PARD3B: variants seen among roughly 807,000 people sequenced by gnomAD.
PARD3B encodes the protein par-3 family cell polarity regulator beta, also known as partitioning defective 3 homolog B.
Under a neutral mutation model 130.2 loss-of-function variants are expected in PARD3B, and 103 were observed. The ratio of observed to expected loss-of-function variants is 0.79; its 90% confidence interval spans 0.67 to 0.93. The LOEUF (loss-of-function observed/expected upper bound fraction) is 0.93, where lower values mean the gene tolerates loss of function less well. Ranked by LOEUF, PARD3B falls within the 40% of genes least tolerant of loss-of-function variation. The pLI is 0.00. For synonymous variants in PARD3B, 583 were observed against 553.2 expected, an observed-to-expected ratio of 1.05 and a Z score of -0.76; for missense variants, 1,609 against 1,499.2, an observed-to-expected ratio of 1.07 and a Z score of -1.21.
chr2:205,531,145 T>G (rs1055990855), intron 21 of PARD3B, among the ~76,000 whole-genome samples: 1 of 152,282 alleles, frequency 6.6e-6, no homozygotes, highest in Non-Finnish European at 1.5e-5. Flanking sequence ...GGGACTCAGG[T>G]TTTTTTCACC....
chr2:204,697,386 A>G (rs924224191), intron 2 of PARD3B, among the ~76,000 whole-genome samples: 1 of 152,134 alleles, frequency 6.6e-6, no homozygotes, highest in Non-Finnish European at 1.5e-5. Flanking sequence ...TAGAAAAGGT[A>G]TAAATTCATT....
chr2:204,684,912 G>T (rs1389116283), intron 1 of PARD3B, among the ~76,000 whole-genome samples: 1 of 152,120 alleles, frequency 6.6e-6, no homozygotes, highest in African/African-American at 2.4e-5. Context: ...TAACTAAGGA[G>T]AATTCCTTTA....
intron 15 of PARD3B, among the ~76,000 whole-genome samples, chr2:205,225,229 G>C (rs945796814): frequency 6.6e-6 from 1 of 152,166 alleles, no homozygotes; most frequent in Admixed American, 6.5e-5. Context: ...CACCAACAGT[G>C]TTTGAGGGTT....
At chr2:205,035,772 T>C (rs1697776767) in intron 3 of PARD3B, among the ~76,000 whole-genome samples, 1 of 141,570 alleles carries the variant, frequency 7.1e-6, no homozygotes, top group South Asian at 2.2e-4. Flanking sequence ...CCACTATATC[T>C]ATCTATCGGA....
At chr2:205,302,655 G>A (rs1216766765) in intron 18 of PARD3B, among the ~76,000 whole-genome samples, 2 of 152,140 alleles carry the variant, frequency 1.3e-5, no homozygotes, top group African/African-American at 2.4e-5. Flanking sequence ...GGGAGTCAGG[G>A]TAGATGAACC....
In PARD3B at chr2:204,881,131, G is replaced by A. The variant is rs573965136; in HGVS notation, c.223-84021G>A. Among the ~76,000 whole-genome samples the A allele has an allele frequency of 1.3e-3, 195 of 152,240 alleles. 2 individuals are homozygous for A. Among genetic ancestry groups the A allele is most frequent in the African/African-American group, 4.4e-3 (184 of 41,542 alleles). ...GCAAGCATTTCCTTGAGGTCTGTGCGTTAGAAAACCATGAGCGTATTAGAT... is the reference window on the plus strand; with the variant it reads ...GCAAGCATTTCCTTGAGGTCTGTGCATTAGAAAACCATGAGCGTATTAGAT... On this transcript the variant is annotated intron_variant, in intron 2 of 22. Transcript: ENST00000406610.
chr2:205,139,726 G>A (rs1192665612), intron 10 of PARD3B, among the ~76,000 whole-genome samples: 1 of 151,516 alleles, frequency 6.6e-6, no homozygotes, highest in East Asian at 1.9e-4. Context: ...AACTGAGTAT[G>A]ATTGTAAAAA....
At chr2:205,224,912 C>T (rs1248471344) in intron 15 of PARD3B, among the ~76,000 whole-genome samples, 3 of 151,976 alleles carry the variant, frequency 2.0e-5, no homozygotes, top group Non-Finnish European at 2.9e-5. Flanking sequence ...TCTTCCATAA[C>T]CATATTTTTT....
At chr2:205,600,202 G>C (rs1453861649) in intron 22 of PARD3B, among the ~76,000 whole-genome samples, 1 of 152,216 alleles carries the variant, frequency 6.6e-6, no homozygotes, top group Non-Finnish European at 1.5e-5. Flanking sequence ...ATAGCTAAGA[G>C]AATATTTGCT....
intron 4 of PARD3B, among the ~76,000 whole-genome samples, chr2:205,063,336 AT>A (rs1700170638): frequency 6.6e-6 from 1 of 151,984 alleles, no homozygotes; most frequent in Non-Finnish European, 1.5e-5. Flanking sequence ...ATATAAAAAA[AT>A]AAAATTTTAT....
At chr2:205,516,360 T>C (rs527835984) in intron 21 of PARD3B, among the ~76,000 whole-genome samples, 1 of 152,336 alleles carries the variant, frequency 6.6e-6, no homozygotes, top group East Asian at 1.9e-4. Flanking sequence ...AGTATGGCCA[T>C]TTTAATGATA....
intron 4 of PARD3B, among the ~76,000 whole-genome samples, chr2:205,087,544 T>C (rs1210212520): frequency 6.6e-6 from 1 of 152,186 alleles, no homozygotes; most frequent in African/African-American, 2.4e-5. Flanking sequence ...ATTTGGAATA[T>C]TTTAGTAGGT....
At chr2:205,087,183 A>G (rs2125528570) in intron 4 of PARD3B, among the ~76,000 whole-genome samples, 1 of 152,334 alleles carries the variant, frequency 6.6e-6, no homozygotes, top group Non-Finnish European at 1.5e-5. Context: ...CAAACTGAAT[A>G]TGGAAAATAT....
At chr2:204,933,987 C>T (rs1010084355) in intron 2 of PARD3B, among the ~76,000 whole-genome samples, 1 of 152,140 alleles carries the variant, frequency 6.6e-6, no homozygotes, top group African/African-American at 2.4e-5. Context: ...TCAAAGCACT[C>T]TTGTTAATTG....
intron 2 of PARD3B, among the ~76,000 whole-genome samples, chr2:204,844,227 TA>T (rs2044370747): frequency 6.6e-6 from 1 of 152,146 alleles, no homozygotes. Context: ...ATTATTTCTG[TA>T]CAAAAGTTAC....
In PARD3B at chr2:204,664,729, T is replaced by C. The variant is rs988861655; in HGVS notation, c.121-21452T>C. Among the ~76,000 whole-genome samples, 11 of 152,312 alleles carry C rather than the reference T, an allele frequency of 7.2e-5. No homozygotes were observed. The highest frequency in any genetic ancestry group is 7.2e-4 in the Admixed American group (11 of 15,292). ...TTATTTCTTTGGCTATATTTCCTGA[T>C]AATAGTTTTCTGTAAGCTATGTGAA... On this transcript the variant is annotated intron_variant, in intron 1 of 22. Coordinates refer to ENST00000406610, the MANE Select transcript of PARD3B (RefSeq NM_001302769.2). The surrounding 1 kb of genome is among the most constrained non-coding windows in gnomAD (Gnocchi z 5.2).
At chr2:204,571,871 A>T (rs1288934724) in intron 1 of PARD3B, among the ~76,000 whole-genome samples, 1 of 152,188 alleles carries the variant, frequency 6.6e-6, no homozygotes, top group African/African-American at 2.4e-5. Context: ...ACTGTCCTTA[A>T]TTAAATAATG....
chr2:205,096,506 C>T (rs892025354), intron 4 of PARD3B, among the ~76,000 whole-genome samples: 1 of 152,132 alleles, frequency 6.6e-6, no homozygotes, highest in Admixed American at 6.5e-5. Context: ...TGGGATTTAG[C>T]CTCTGTAGCA....
intron 10 of PARD3B, among the ~76,000 whole-genome samples, chr2:205,150,890 C>T (rs1214852025): frequency 2.0e-5 from 3 of 152,034 alleles, no homozygotes; most frequent in Non-Finnish European, 4.4e-5. Context: ...GACACAATCT[C>T]AGTTAGGAGG....
Sources: gnomAD v4.1 joint callset for allele counts (sites outside exome capture counted in the v4.1 genomes callset) on GRCh38, gnomAD v4.1.1 for gene constraint, Gnocchi (gnomAD v3.1) non-coding constraint, MANE v1.5 for transcripts, NCBI Gene and HGNC (gene_info 2026-07-23, HGNC 2026-07-21) for gene names.